Variants in PXDNL observed in about 807,000 individuals in gnomAD.
PXDNL encodes the protein peroxidasin like.
A neutral mutation model predicts 150.8 loss-of-function variants in PXDNL; 145 were observed. The observed-to-expected ratio is 0.96, with a 90% CI of 0.84 to 1.10. PXDNL has a LOEUF of 1.10. Ranked by LOEUF, PXDNL falls within the 50% of genes least tolerant of loss-of-function variation. The pLI, the probability that PXDNL is intolerant of heterozygous loss-of-function variation, is 0.00. For missense variants in PXDNL, 2,087 were observed against 1,873.9 expected, an observed-to-expected ratio of 1.11 and a Z score of -2.10; for synonymous variants, 757 against 725.7, an observed-to-expected ratio of 1.04 and a Z score of -0.69.
chr8:51,384,691 T>C (rs1170542781), intron 17 of PXDNL, among the ~76,000 whole-genome samples: 2 of 152,130 alleles, frequency 1.3e-5, no homozygotes, highest in African/African-American at 4.8e-5. Context: ...TAAACAAGTA[T>C]ATAATACTAT....
chr8:51,755,384 T>C (rs2037089856), intron 1 of PXDNL, among the ~76,000 whole-genome samples: 1 of 151,694 alleles, frequency 6.6e-6, no homozygotes, highest in South Asian at 2.1e-4. Flanking sequence ...AATCCCCACC[T>C]CCTGGGTTCA....
rs1033314992 is a variant in PXDNL, at chr8:51,404,102, T to A, written c.3557+3965A>T. ...CTTCCTGGTGGGTTCATGGTCTCGC[T>A]GGCCTCAGGAATGAAGCTGCATACC... On this transcript the variant is annotated intron_variant, in intron 17 of 22. Coordinates refer to ENST00000356297, the MANE Select transcript of PXDNL (RefSeq NM_144651.5). Among the ~76,000 whole-genome samples the A allele has an allele frequency of 4.5e-4, 68 of 152,222 alleles. 1 individual carries two copies. Among genetic ancestry groups the A allele is most frequent in the Non-Finnish European group, 5.0e-4 (34 of 68,038 alleles).
At chr8:51,392,858 G>A (rs1233260300) in intron 17 of PXDNL, among the ~76,000 whole-genome samples, 1 of 152,136 alleles carries the variant, frequency 6.6e-6, no homozygotes. Context: ...TTTCTATTGT[G>A]AGGTTAGGAG....
At chr8:51,656,294 T>C (rs959624674) in intron 1 of PXDNL, among the ~76,000 whole-genome samples, 6 of 152,274 alleles carry the variant, frequency 3.9e-5, no homozygotes, top group African/African-American at 1.4e-4. Flanking sequence ...ATGAGCAAAA[T>C]TTTATAGGAG....
intron 12 of PXDNL, among the ~76,000 whole-genome samples, chr8:51,428,963 A>ATCT: frequency 7.1e-5 from 1 of 14,182 alleles, no homozygotes; most frequent in African/African-American, 1.1e-4. Flanking sequence ...TAGTGTCTAA[A>ATCT]ATATATAAAG....
Position 51,580,043 on chromosome 8 carries a change from GA to G in PXDNL, c.308+12583del, listed in dbSNP as rs1489589876. ...AAATAAATAAATAAATAAATAAAAA[GA>G]AAAAAGGCAATCACAAAAGGTTATA... is the stretch of plus-strand genomic sequence containing the variant. On this transcript the variant is annotated intron_variant, in intron 3 of 22. Transcript: ENST00000356297. 2.0e-5 allele frequency among the ~76,000 whole-genome samples: 3 copies of G among 150,348 alleles called. 1 individual carries two copies. The highest frequency in any genetic ancestry group is 6.6e-5 in the Admixed American group (1 of 15,164).
intron 5 of PXDNL, among the ~76,000 whole-genome samples, chr8:51,497,987 T>C (rs1454358108): frequency 6.6e-6 from 1 of 152,138 alleles, no homozygotes. Context: ...CACATGTATG[T>C]TTATTGTGGC....
intron 3 of PXDNL, among the ~76,000 whole-genome samples, chr8:51,585,540 C>T (rs1356683988): frequency 2.0e-5 from 3 of 152,106 alleles, no homozygotes; most frequent in African/African-American, 4.8e-5. Flanking sequence ...TAATTAAACA[C>T]AGAATGGTTC....
At chr8:51,579,084 C>A (rs994631244) in intron 3 of PXDNL, among the ~76,000 whole-genome samples, 3 of 151,820 alleles carry the variant, frequency 2.0e-5, no homozygotes, top group Non-Finnish European at 2.9e-5. Flanking sequence ...AAGGTGTAAC[C>A]CATAGAAAAG....
intron 21 of PXDNL, among the ~76,000 whole-genome samples, chr8:51,337,808 G>A (rs1805873096): frequency 6.6e-6 from 1 of 151,630 alleles, no homozygotes; most frequent in Admixed American, 6.6e-5. Context: ...GGGAAGCAGA[G>A]GTTGCAGCGA....
chr8:51,708,516 A>G lies in PXDNL; in HGVS notation c.165-53756T>C, dbSNP rs537404825. On this transcript the variant is annotated intron_variant, in intron 1 of 22. Coordinates refer to ENST00000356297, the MANE Select transcript of PXDNL (RefSeq NM_144651.5). ...ACTTAAATTGTAGGAAATTGTAAAG[A>G]ATAGAATTGCCATTGCAGAGAAGTG... 1.2e-3 allele frequency among the ~76,000 whole-genome samples: 180 copies of G among 152,336 alleles called. 1 individual carries two copies. The highest frequency in any genetic ancestry group is 4.1e-3 in the African/African-American group (170 of 41,580).
chr8:51,720,521 GTATTTT>G (rs1489715611), intron 1 of PXDNL, among the ~76,000 whole-genome samples: 1 of 151,900 alleles, frequency 6.6e-6, no homozygotes. Flanking sequence ...TTTATACATA[GTATTTT>G]TATTTTTATT....
intron 17 of PXDNL, among the ~76,000 whole-genome samples, chr8:51,407,168 T>A (rs1241493583): frequency 6.6e-6 from 1 of 152,184 alleles, no homozygotes; most frequent in East Asian, 1.9e-4. Context: ...CCAAAAGAAA[T>A]GTGCAAATTC....
chr8:51,501,399 C>T (rs973239519), intron 4 of PXDNL, among the ~76,000 whole-genome samples: 2 of 150,828 alleles, frequency 1.3e-5, no homozygotes, highest in African/African-American at 2.4e-5. Context: ...TGAACACACT[C>T]TCACATGCTC....
chr8:51,565,321 AATAGATAGATAGATAG>A (rs367721031), intron 3 of PXDNL, among the ~76,000 whole-genome samples: 6 of 135,532 alleles, frequency 4.4e-5, no homozygotes, highest in African/African-American at 1.9e-4. Context: ...TAAATAAATA[AATAGATAGATAGATAG>A]ATAGATAAAT....
chr8:51,765,727 A>G (rs2037221789), intron 1 of PXDNL, among the ~76,000 whole-genome samples: 1 of 152,058 alleles, frequency 6.6e-6, no homozygotes, highest in South Asian at 2.1e-4. Flanking sequence ...TGGGATTTAC[A>G]TCTTCCATTT....
At chr8:51,615,804 T>C (rs1214609122) in intron 2 of PXDNL, among the ~76,000 whole-genome samples, 1 of 152,216 alleles carries the variant, frequency 6.6e-6, no homozygotes, top group Non-Finnish European at 1.5e-5. Flanking sequence ...ATTTCCAATA[T>C]GATGTTAAGA....
At chr8:51,596,784 C>T (rs746737360) in intron 2 of PXDNL, among the ~76,000 whole-genome samples, 52 of 151,936 alleles carry the variant, frequency 3.4e-4, no homozygotes, top group Admixed American at 2.8e-3. Flanking sequence ...TGTTTAAGTT[C>T]CTTAAAGATC....
chr8:51,788,894 C>G (rs2037484301), intron 1 of PXDNL, among the ~76,000 whole-genome samples: 1 of 152,226 alleles, frequency 6.6e-6, no homozygotes. Context: ...TAACTGCCTT[C>G]CAGAGCACCA....
Sources: gnomAD v4.1 joint callset for allele counts (sites outside exome capture counted in the v4.1 genomes callset) on GRCh38, gnomAD v4.1.1 for gene constraint, MANE v1.5 for transcripts, NCBI Gene and HGNC (gene_info 2026-07-23, HGNC 2026-07-21) for gene names.